FAM178B: variants seen among roughly 807,000 people sequenced by gnomAD.
The protein encoded by FAM178B is family with sequence similarity 178 member B.
FAM178B carries 82 observed loss-of-function variants against 91.7 expected under a neutral mutation model. That is an observed-to-expected ratio of 0.89 (90% CI 0.75 to 1.07). The LOEUF (loss-of-function observed/expected upper bound fraction) is 1.07, where lower values mean the gene tolerates loss of function less well. FAM178B is among the 50% of genes least tolerant of loss of function. FAM178B has a pLI of 0.00. For missense variants in FAM178B, 769 were observed against 846.7 expected, an observed-to-expected ratio of 0.91 and a Z score of 1.14; for synonymous variants, 368 against 359.4, an observed-to-expected ratio of 1.02 and a Z score of -0.27.
intron 13 of FAM178B, chr2:96,895,016 CACCATGAAGAGAG>C: frequency 7.8e-7 from 1 of 1,278,758 alleles, no homozygotes; most frequent in South Asian, 1.2e-5. Flanking sequence ...AGGTTTGGAA[CACCATGAAGAGAG>C]ACCATGGACT....
intron 14 of FAM178B, among the ~76,000 whole-genome samples, chr2:96,881,380 G>T (rs1309285068): frequency 1.3e-5 from 2 of 152,096 alleles, no homozygotes; most frequent in African/African-American, 2.4e-5. Flanking sequence ...GGTTATCAGG[G>T]CCGTCACTGA....
intron 7 of FAM178B, among the ~76,000 whole-genome samples, chr2:96,949,037 T>C (rs767078725): frequency 7.7e-4 from 117 of 152,316 alleles, no homozygotes; most frequent in South Asian, 1.4e-3. Flanking sequence ...AACATTTTCA[T>C]GGCTGAACAC....
At chr2:96,949,899 G>T in intron 7 of FAM178B, 1 of 832,990 alleles carries the variant, frequency 1.2e-6, no homozygotes, top group Non-Finnish European at 1.4e-6. Flanking sequence ...TGGCTCCGAG[G>T]CACAGAGCTG....
chr2:96,881,306 C>T (rs1198844626), intron 14 of FAM178B, among the ~76,000 whole-genome samples: 3 of 150,692 alleles, frequency 2.0e-5, no homozygotes, highest in African/African-American at 7.3e-5. Flanking sequence ...GAAGCTGAGG[C>T]CCCTCTTTGA....
At chr2:96,951,509 G>C (rs1393494221) in intron 6 of FAM178B, 25 bp from the exon 7 acceptor site, 1 of 1,526,470 alleles carries the variant, frequency 6.6e-7, no homozygotes. Context: ...GCTGAGGTTA[G>C]GGGAGGCCTC....
At position 96,967,911 on chromosome 2, in the gene FAM178B, CTTTTTTTTTTTTTTTT is replaced by C. The variant is rs60965536; in HGVS notation, c.627-300_627-285del. On this transcript the variant is annotated intron_variant, in intron 4 of 16. Coordinates refer to ENST00000490605, the MANE Select transcript of FAM178B (RefSeq NM_001122646.3). ...TCTTTACTTGTGTACCCTGTTTGGT[CTTTTTTTTTTTTTTTT>C]TTTTTTTTTTTGATACCAGACATCA... 1.1e-4 allele frequency among the ~76,000 whole-genome samples: 7 copies of C among 62,444 alleles called. 2 individuals carry two copies. In the South Asian group the frequency reaches 3.2e-3, roughly 28 times the overall value. The allele number at this position is 62,444 out of a possible 152,430, so 41.0% of individuals were successfully genotyped here.
chr2:96,934,032 A>T (rs2081585703), intron 8 of FAM178B, among the ~76,000 whole-genome samples: 1 of 152,274 alleles, frequency 6.6e-6, no homozygotes, highest in South Asian at 2.1e-4. Context: ...AATTAGCTTT[A>T]GCTTTAGTCA....
chr2:96,972,612 AG>A lies in FAM178B; in HGVS notation c.74-7del, dbSNP rs2082237849. Reference sequence around the variant, plus strand: ...CAAGCCGTGGGACATCTGTCCTGGAAGGAAGCGCCTGTGAGGGCAGGTGAAC... The same window carrying A: ...CAAGCCGTGGGACATCTGTCCTGGAAGAAGCGCCTGTGAGGGCAGGTGAAC... On this transcript the variant is annotated splice_polypyrimidine_tract_variant and splice_region_variant and intron_variant, in intron 1 of 16. Coordinates refer to ENST00000490605, the MANE Select transcript of FAM178B (RefSeq NM_001122646.3). The A allele has an allele frequency of 1.3e-6, 2 of 1,551,246 alleles. No homozygotes were observed. The highest frequency in any genetic ancestry group is 1.7e-6 in the Non-Finnish European group (2 of 1,146,936).
chr2:96,903,026 A>G (rs964962444), intron 12 of FAM178B, among the ~76,000 whole-genome samples: 14 of 146,256 alleles, frequency 9.6e-5, no homozygotes, highest in African/African-American at 3.7e-4. Context: ...AGCAGCACTG[A>G]ACTGCTTATT....
At chr2:96,963,089 G>A (rs2082103587) in intron 5 of FAM178B, among the ~76,000 whole-genome samples, 1 of 152,212 alleles carries the variant, frequency 6.6e-6, no homozygotes, top group African/African-American at 2.4e-5. Context: ...AATTACCAGT[G>A]TTTTCAAAGC....
intron 12 of FAM178B, among the ~76,000 whole-genome samples, chr2:96,914,615 A>G (rs961219148): frequency 6.6e-6 from 1 of 152,214 alleles, no homozygotes; most frequent in Non-Finnish European, 1.5e-5. Flanking sequence ...AGGGCTGGGC[A>G]CTGTGGCTCA....
At chr2:96,945,635 T>G (rs1404776896) in intron 8 of FAM178B, among the ~76,000 whole-genome samples, 1 of 152,228 alleles carries the variant, frequency 6.6e-6, no homozygotes, top group African/African-American at 2.4e-5. Flanking sequence ...AGAGGCCTGC[T>G]GTCCTCTCAG....
chr2:96,933,149 A>C (rs985255077), intron 8 of FAM178B, among the ~76,000 whole-genome samples: 1 of 152,116 alleles, frequency 6.6e-6, no homozygotes, highest in Non-Finnish European at 1.5e-5. Flanking sequence ...AGGCTGAGGC[A>C]GGAGAACTGC....
chr2:96,905,675 G>A (rs1574224344), intron 12 of FAM178B, among the ~76,000 whole-genome samples: 2 of 150,006 alleles, frequency 1.3e-5, no homozygotes, highest in Admixed American at 1.3e-4. Context: ...GGTGGCTCAT[G>A]CCTGTAATCC....
At chr2:96,905,329 G>A (rs549988475) in intron 12 of FAM178B, among the ~76,000 whole-genome samples, 7 of 151,996 alleles carry the variant, frequency 4.6e-5, no homozygotes, top group Non-Finnish European at 1.0e-4. Flanking sequence ...AGGCTGAAGC[G>A]GGTGGATCAT....
intron 8 of FAM178B, among the ~76,000 whole-genome samples, chr2:96,935,416 G>C (rs190197852): frequency 1.3e-5 from 2 of 152,218 alleles, no homozygotes; most frequent in East Asian, 3.9e-4. Context: ...CTCAGCTCCA[G>C]GCAATCGCCT....
intron 12 of FAM178B, among the ~76,000 whole-genome samples, chr2:96,916,670 T>TC (rs992125651): frequency 1.7e-4 from 26 of 152,194 alleles, no homozygotes; most frequent in African/African-American, 6.3e-4. Context: ...TGGCTCTGTT[T>TC]CAGGTGGTCT....
intron 14 of FAM178B, among the ~76,000 whole-genome samples, chr2:96,880,209 G>A (rs767982733): frequency 6.6e-6 from 1 of 152,232 alleles, no homozygotes; most frequent in Non-Finnish European, 1.5e-5. Flanking sequence ...TGACTAAGCT[G>A]AAGTGGGCCT....
intron 13 of FAM178B, among the ~76,000 whole-genome samples, chr2:96,901,987 A>G (rs1017686246): frequency 6.6e-6 from 1 of 151,994 alleles, no homozygotes; most frequent in African/African-American, 2.4e-5. Context: ...TAGTAGAGAC[A>G]AGGGTTTCAC....
Sources: gnomAD v4.1 joint callset for allele counts (sites outside exome capture counted in the v4.1 genomes callset) on GRCh38, gnomAD v4.1.1 for gene constraint, MANE v1.5 for transcripts, NCBI Gene and HGNC (gene_info 2026-07-23, HGNC 2026-07-21) for gene names.